Variants in PIK3CG observed in about 807,000 individuals in gnomAD.
The protein encoded by PIK3CG is phosphatidylinositol 4,5-bisphosphate 3-kinase catalytic subunit gamma isoform.
Under a neutral mutation model 102.3 loss-of-function variants are expected in PIK3CG, and 55 were observed. The ratio of observed to expected loss-of-function variants is 0.54; its 90% CI spans 0.43 to 0.67. PIK3CG has a LOEUF of 0.67. Among genes scored for constraint, PIK3CG ranks in the 30% least tolerant of loss-of-function variants. The pLI is 0.00. For synonymous variants in PIK3CG, 552 were observed against 540.0 expected (o/e 1.02, Z -0.31); for missense variants, 1,258 against 1,391.8 (o/e 0.90, Z 1.53).
chr7:106,893,979 C>T lies in PIK3CG; in HGVS notation c.3030+7687C>T, dbSNP rs141982050. 2.2e-4 allele frequency among the ~76,000 whole-genome samples: 33 copies of T among 152,124 alleles called. No individual in the cohort carries two copies. The highest frequency in any genetic ancestry group is 5.8e-4 in the East Asian group (3 of 5,186). On this transcript the variant is annotated intron_variant, in intron 10 of 10. Transcript: ENST00000496166. This position sits in a 1 kb window ranked among gnomAD's most constrained non-coding sequence, Gnocchi z 4.4. ...ACTTGTGTATCTAAACACATCTGAA[C>T]GGAAAAGGAACAGTAAAAATATGGA...
intron 4 of PIK3CG, among the ~76,000 whole-genome samples, chr7:106,873,994 T>C (rs1790630648): frequency 6.6e-6 from 1 of 152,176 alleles, no homozygotes; most frequent in South Asian, 2.1e-4. Flanking sequence ...GCACTATGGC[T>C]CATTACATAG....
Position 106,872,504 on chromosome 7 carries a change from A to G in PIK3CG, c.1996-33A>G. On this transcript the variant is annotated intron_variant, in intron 2 of 10. Coordinates refer to ENST00000496166, the MANE Select transcript of PIK3CG (RefSeq NM_001282426.2). The surrounding 1 kb of genome is among the most constrained non-coding windows in gnomAD (Gnocchi z 5.3). The stretch of plus-strand genomic sequence containing the variant: ...TCCCTGATTCAACGACATAGAGTAC[A>G]GTCCTACAAATGCCAATGTGTTCTT... 1 of 1,548,396 alleles carries G rather than the reference A, an allele frequency of 6.5e-7. No homozygotes were observed. Among genetic ancestry groups the G allele is most frequent in the Non-Finnish European group, 8.9e-7 (1 of 1,119,908 alleles).
chr7:106,905,675 C>G lies in PIK3CG; in HGVS notation c.*288C>G, dbSNP rs934140433. On this transcript the variant is annotated 3_prime_UTR_variant, in exon 11 of 11. Transcript: ENST00000496166. The surrounding 1 kb of genome is among the most constrained non-coding windows in gnomAD (Gnocchi z 5.6). Reference sequence around the variant, plus strand: ...ACAGACTAATGACTTCCTTATTGTCCCTGATATTTTGACTATCTTACTATT... The same window carrying G: ...ACAGACTAATGACTTCCTTATTGTCGCTGATATTTTGACTATCTTACTATT... The G allele has an allele frequency of 1.4e-5, 5 of 365,654 alleles. No individual in the cohort carries two copies. Among genetic ancestry groups the G allele is most frequent in the Non-Finnish European group, 2.5e-5 (5 of 203,688 alleles). The allele number at this position is 365,654 out of a possible 1,614,324, so 22.7% of individuals were successfully genotyped here.
rs1204606940 is a variant in PIK3CG at position 106,902,147 on chromosome 7, T to G, written c.3031-2962T>G. ...GGCCAAGGGTCATTTGCTTGTCACC[T>G]GGGGACTCCACCCCAGAGAGATGCA... On this transcript the variant is annotated intron_variant, in intron 10 of 10. Coordinates refer to ENST00000496166, the MANE Select transcript of PIK3CG (RefSeq NM_001282426.2). The surrounding 1 kb of genome is among the most constrained non-coding windows in gnomAD (Gnocchi z 4.3). Among the ~76,000 whole-genome samples the G allele has an allele frequency of 1.3e-5, 2 of 152,178 alleles. No individual in the cohort carries two copies. The highest frequency in any genetic ancestry group is 4.8e-5 in the African/African-American group (2 of 41,442).
chr7:106,893,040 G>A lies in PIK3CG; in HGVS notation c.3030+6748G>A, dbSNP rs1032448114. Among the ~76,000 whole-genome samples, 7 of 152,132 alleles carry A rather than the reference G, an allele frequency of 4.6e-5. No individual in the cohort carries two copies. Among genetic ancestry groups the A allele is most frequent in the Non-Finnish European group, 1.0e-4 (7 of 68,032 alleles). ...GCAGTACATAGGCTGGATTAGAGAG[G>A]TGGAGGGTAGAGCAAAGCAAAGAAG... On this transcript the variant is annotated intron_variant, in intron 10 of 10. Coordinates refer to ENST00000496166, the MANE Select transcript of PIK3CG (RefSeq NM_001282426.2). The surrounding 1 kb of genome is among the most constrained non-coding windows in gnomAD (Gnocchi z 4.4).
intron 10 of PIK3CG, among the ~76,000 whole-genome samples, chr7:106,896,494 G>A (rs1791412009): frequency 6.6e-6 from 1 of 152,212 alleles, no homozygotes; most frequent in African/African-American, 2.4e-5. Context: ...CTGGGGTGAA[G>A]TCTGCACTTA....
At position 106,883,147 on chromosome 7, in the gene PIK3CG, C is replaced by T. The variant is rs1383854511; in HGVS notation, c.2744C>T (p.Ser915Phe). 11 of 1,614,072 alleles carry T rather than the reference C, an allele frequency of 6.8e-6. No individual in the cohort carries two copies. Among genetic ancestry groups the T allele is most frequent in the Non-Finnish European group, 9.3e-6 (11 of 1,179,964 alleles). The change falls in exon 8 of 11, where the codon TCC (serine) becomes TTC (phenylalanine). Residue 915 changes from serine (S) to phenylalanine (F), a missense_variant. Around this residue, in one of 2 missense-constraint regions of PIK3CG, gnomAD observed 426 missense variants for 604.2 expected, o/e 0.71. Transcript: ENST00000496166. The surrounding 1 kb of genome is among the most constrained non-coding windows in gnomAD (Gnocchi z 5.8). Reference sequence around the variant, plus strand: ...CTGAATCACTGGCTCAAAGAAAAATCCCCTACTGAAGAAAAGGTGAGCTCA... The same window carrying T: ...CTGAATCACTGGCTCAAAGAAAAATTCCCTACTGAAGAAAAGGTGAGCTCA... ...EVLNHWLKEK[S>F]PTEEKFQAAV...
In PIK3CG at chr7:106,874,827, A is replaced by C; in HGVS notation, c.2391+24A>C. 1 of 1,477,700 alleles carries C rather than the reference A, an allele frequency of 6.8e-7. No individual in the cohort carries two copies. Among genetic ancestry groups the C allele is most frequent in the South Asian group, 1.1e-5 (1 of 87,650 alleles). The allele number at this position is 1,477,700 out of a possible 1,614,324, so 91.5% of individuals were successfully genotyped here. ...CAGTAGGTATCACTTGGATGTCTCC[A>C]TGTGGTCTTTATGTCTTGAAGATGT... On this transcript the variant is annotated intron_variant, in intron 5 of 10. Transcript: ENST00000496166. The surrounding 1 kb of genome is among the most constrained non-coding windows in gnomAD (Gnocchi z 4.3).
Position 106,869,186 on chromosome 7 carries a change from G to A in PIK3CG, c.1625G>A (p.Arg542Gln), listed in dbSNP as rs151218078. 1 of 1,614,056 alleles carries A rather than the reference G, an allele frequency of 6.2e-7. No individual in the cohort carries two copies. The highest frequency in any genetic ancestry group is 1.3e-5 in the African/African-American group (1 of 74,916). ...CCCACCCCTGACCCGGAAGGGGACC[G>A]GGTTCGAGCAGAAATGCCCAACCAG... ...HQPTPDPEGD[R>Q]VRAEMPNQLR... Residue 542 changes from arginine (R) to glutamine (Q), a missense_variant, in exon 2 of 11, where the codon CGG (arginine) becomes CAG (glutamine). This residue lies in a region of PIK3CG where 832 missense variants were observed against 787.5 expected (regional missense o/e 1.06). Transcript: ENST00000496166. This position sits in a 1 kb window ranked among gnomAD's most constrained non-coding sequence, Gnocchi z 5.3.
At chr7:106,886,102 C>T (rs973480665) in intron 9 of PIK3CG, 33 bp from the exon 10 acceptor site, 3 of 1,597,470 alleles carry the variant, frequency 1.9e-6, no homozygotes, top group Non-Finnish European at 1.7e-6. Context: ...TGCTGTGCCA[C>T]TGTAATGATG....
chr7:106,875,456 A>G (rs144569596), intron 5 of PIK3CG, among the ~76,000 whole-genome samples: 212 of 152,202 alleles, frequency 1.4e-3, no homozygotes, highest in African/African-American at 5.0e-3. Context: ...TTCCATAGAC[A>G]TGTTACAGAA....
rs2116620448 is a variant in PIK3CG at position 106,905,410 on chromosome 7, C to A, written c.*23C>A. ...TAATACTTTAGGCTAGAATCAAAAACAAGTTAGTGTTCTATGGTTTAAATT... is the reference window on the plus strand; with the variant it reads ...TAATACTTTAGGCTAGAATCAAAAAAAAGTTAGTGTTCTATGGTTTAAATT... On this transcript the variant is annotated 3_prime_UTR_variant, in exon 11 of 11. Transcript: ENST00000496166. The surrounding 1 kb of genome is among the most constrained non-coding windows in gnomAD (Gnocchi z 5.6). The A allele has an allele frequency of 6.3e-7, 1 of 1,598,862 alleles. No homozygotes were observed.
At chr7:106,887,240 G>A (rs1791125599) in intron 10 of PIK3CG, among the ~76,000 whole-genome samples, 2 of 152,162 alleles carry the variant, frequency 1.3e-5, no homozygotes, top group Non-Finnish European at 2.9e-5. Context: ...AACTACTACT[G>A]TAATATACCT....
intron 10 of PIK3CG, among the ~76,000 whole-genome samples, chr7:106,901,238 GT>G (rs759534107): frequency 1.1e-4 from 16 of 146,080 alleles, no homozygotes; most frequent in Non-Finnish European, 1.4e-4. Flanking sequence ...CTTCTCAGTG[GT>G]TTTTTTTTTC....
Position 106,905,524 on chromosome 7 carries a change from C to A in PIK3CG, c.*137C>A, listed in dbSNP as rs1791664791. The A allele has an allele frequency of 1.3e-6, 1 of 754,548 alleles. No homozygotes were observed. The highest frequency in any genetic ancestry group is 2.1e-6 in the Non-Finnish European group (1 of 470,510). 46.7% of individuals were successfully genotyped at this position (754,548 alleles called of 1,614,324 possible). ...AAGTATAGCTCTTTTCCTACCTGAACTCTTCCCTGGAGAAAAGATGTTGGC... is the reference window on the plus strand; with the variant it reads ...AAGTATAGCTCTTTTCCTACCTGAAATCTTCCCTGGAGAAAAGATGTTGGC... On this transcript the variant is annotated 3_prime_UTR_variant, in exon 11 of 11. Coordinates refer to ENST00000496166, the MANE Select transcript of PIK3CG (RefSeq NM_001282426.2). This position sits in a 1 kb window ranked among gnomAD's most constrained non-coding sequence, Gnocchi z 5.6.
rs1225728430 is a variant in PIK3CG, at chr7:106,906,028, AG to A, written c.*644del. 4.4e-6 allele frequency: 1 copy of A among 226,718 alleles called. No individual in the cohort carries two copies. The highest frequency in any genetic ancestry group is 8.7e-6 in the Non-Finnish European group (1 of 114,474). The allele number at this position is 226,718 out of a possible 1,614,324, so 14.0% of individuals were successfully genotyped here. A position where few individuals can be genotyped will look rare whatever the true frequency, so the allele number is the denominator to read the frequency against. On this transcript the variant is annotated 3_prime_UTR_variant, in exon 11 of 11. Coordinates refer to ENST00000496166, the MANE Select transcript of PIK3CG (RefSeq NM_001282426.2). ...GACCTTCCTCTGCTGGTCTTGTTCC[AG>A]GGTTATGAATATGAAAAAATAGAGA... is the stretch of plus-strand genomic sequence containing the variant.
In PIK3CG at chr7:106,908,678, A is replaced by T. The variant is rs1207761297; in HGVS notation, c.*3291A>T. 6.6e-6 allele frequency among the ~76,000 whole-genome samples: 1 copy of T among 152,074 alleles called. No individual in the cohort carries two copies. The highest frequency in any genetic ancestry group is 1.5e-5 in the Non-Finnish European group (1 of 67,966). ...TTTTCAGGTGATGAATTATTTTTTT[A>T]AAAAAGGTTACATATAGGAATTCTG... On this transcript the variant is annotated 3_prime_UTR_variant, in exon 11 of 11. Coordinates refer to ENST00000496166, the MANE Select transcript of PIK3CG (RefSeq NM_001282426.2). The surrounding 1 kb of genome is among the most constrained non-coding windows in gnomAD (Gnocchi z 4.1).
chr7:106,879,845 A>G lies in PIK3CG; in HGVS notation c.2538+180A>G, dbSNP rs1006619868. 6.6e-6 allele frequency among the ~76,000 whole-genome samples: 1 copy of G among 152,230 alleles called. No homozygotes were observed. Among genetic ancestry groups the G allele is most frequent in the Non-Finnish European group, 1.5e-5 (1 of 68,046 alleles). On this transcript the variant is annotated intron_variant, in intron 6 of 10. Transcript: ENST00000496166. The surrounding 1 kb of genome is among the most constrained non-coding windows in gnomAD (Gnocchi z 4.9). ...TTTGGCTGCAGACTATTAGATATGC[A>G]ATCTAATGAGCATTATGGTTCTGTC...
At chr7:106,886,975 A>G (rs551178033) in intron 10 of PIK3CG, among the ~76,000 whole-genome samples, 75 of 152,140 alleles carry the variant, frequency 4.9e-4, no homozygotes, top group Non-Finnish European at 7.9e-4. Context: ...AAAATACACT[A>G]GATAGCTGAT....
Sources: gnomAD v4.1 joint callset for allele counts (sites outside exome capture counted in the v4.1 genomes callset) on GRCh38, gnomAD v4.1.1 for gene constraint, gnomAD v4.1.1 regional missense constraint, Gnocchi (gnomAD v3.1) non-coding constraint, MANE v1.5 for transcripts, NCBI Gene and HGNC (gene_info 2026-07-23, HGNC 2026-07-21) for gene names.